MIER1: variants seen among roughly 807,000 people sequenced by gnomAD.
The protein encoded by MIER1 is mesoderm induction early response protein 1.
In MIER1, 40 loss-of-function variants were observed where a neutral mutation model predicts 75.7. The observed-to-expected ratio is 0.53, with a 90% confidence interval of 0.41 to 0.69. The LOEUF (loss-of-function observed/expected upper bound fraction) is 0.69. MIER1 is among the 30% of genes least tolerant of loss of function. The pLI, the probability that MIER1 is intolerant of heterozygous loss-of-function variation, is 0.00. For missense variants in MIER1, 574 were observed against 680.2 expected (o/e 0.84, Z 1.74); for synonymous variants, 213 against 223.4 (o/e 0.95, Z 0.42).
intron 9 of MIER1, 86 bp from the exon 10 acceptor site, chr1:66,971,569 A>G: frequency 1.4e-6 from 1 of 697,556 alleles, no homozygotes; most frequent in Non-Finnish European, 2.5e-6. Context: ...GGATGAAAAC[A>G]CTGGATGTTT....
At chr1:66,959,050 CT>C in intron 6 of MIER1, 67 bp downstream of exon 6, 2 of 1,263,500 alleles carry the variant, frequency 1.6e-6, no homozygotes, top group Non-Finnish European at 1.1e-6. Flanking sequence ...CTAAAATCCT[CT>C]TTTTTAAACT....
intron 4 of MIER1, among the ~76,000 whole-genome samples, chr1:66,950,131 C>T (rs982138680): frequency 1.3e-5 from 2 of 152,120 alleles, no homozygotes; most frequent in African/African-American, 4.8e-5. Flanking sequence ...TTTTTTGAGA[C>T]AGAGTCTCAC....
intron 4 of MIER1, among the ~76,000 whole-genome samples, chr1:66,951,381 G>A (rs1275958488): frequency 6.6e-6 from 1 of 151,886 alleles, no homozygotes; most frequent in Non-Finnish European, 1.5e-5. Context: ...CTCCCACTTC[G>A]GCCTCCCAAA....
Position 66,925,073 on chromosome 1 carries a change from C to T in MIER1, c.45C>T (p.Gly15=), listed in dbSNP as rs895431874. ...SSGGGGSSEG[G]GGSSGSGYGV... ...GCGGTGGCGGCAGCAGCGAAGGTGG[C>T]GGCGGCAGCAGCGGCAGCGGCTGTA... Residue 15 remains glycine (G), a synonymous_variant, in exon 1 of 14, where the codon GGC becomes GGT. Transcript: ENST00000401041. 3 of 1,547,408 alleles carry T rather than the reference C, an allele frequency of 1.9e-6. No individual in the cohort carries two copies. The highest frequency in any genetic ancestry group is 2.0e-5 in the Admixed American group (1 of 49,484).
chr1:66,950,517 A>C (rs1351366996), intron 4 of MIER1, among the ~76,000 whole-genome samples: 1 of 152,182 alleles, frequency 6.6e-6, no homozygotes, highest in African/African-American at 2.4e-5. Context: ...GTGGCAGTCC[A>C]TTTGGGAAAA....
chr1:66,938,708 G>A (rs1346204580), intron 2 of MIER1, among the ~76,000 whole-genome samples: 1 of 152,110 alleles, frequency 6.6e-6, no homozygotes. Context: ...TATTGACTGT[G>A]TTCTGGCAGA....
At chr1:66,969,545 C>CAAAAAAAAAA (rs35924256) in intron 8 of MIER1, among the ~76,000 whole-genome samples, 1 of 63,510 alleles carries the variant, frequency 1.6e-5, no homozygotes, top group Non-Finnish European at 2.8e-5. Flanking sequence ...ACTTCGTCTC[C>CAAAAAAAAAA]AAAAAAAAAA....
At chr1:66,970,302 CCCA>C (rs1663341503) in intron 8 of MIER1, among the ~76,000 whole-genome samples, 1 of 152,146 alleles carries the variant, frequency 6.6e-6, no homozygotes, top group African/African-American at 2.4e-5. Flanking sequence ...TACTTCAAAT[CCCA>C]CCACCAGGAA....
chr1:66,978,387 G>C (rs1665191304), intron 12 of MIER1, among the ~76,000 whole-genome samples: 2 of 152,078 alleles, frequency 1.3e-5, no homozygotes, highest in African/African-American at 4.8e-5. Context: ...ATTCACCCTT[G>C]GAAATCATGG....
At chr1:66,972,779 C>T (rs548096079) in intron 10 of MIER1, 118 bp from the exon 11 acceptor site, 12 of 595,454 alleles carry the variant, frequency 2.0e-5, no homozygotes, top group Non-Finnish European at 3.3e-5. Flanking sequence ...AGTAATAGAG[C>T]TCAGGAGTAA....
intron 2 of MIER1, chr1:66,930,220 TG>T: frequency 7.3e-7 from 1 of 1,376,880 alleles, no homozygotes; most frequent in Non-Finnish European, 9.4e-7. Context: ...GGGGGCGGAG[TG>T]GGGTGTGGTG....
At chr1:66,963,234 G>T (rs1661614651) in intron 8 of MIER1, 74 bp downstream of exon 8, 2 of 981,918 alleles carry the variant, frequency 2.0e-6, no homozygotes, top group Middle Eastern at 2.3e-4. Flanking sequence ...TATGTAAAAT[G>T]TGATAAGAAC....
Position 66,983,088 on chromosome 1 carries a change from A to G in MIER1, c.1369+1170A>G, listed in dbSNP as rs761800751. Among the ~76,000 whole-genome samples the G allele has an allele frequency of 1.2e-3, 190 of 152,364 alleles. 1 individual carries two copies. The highest frequency in any genetic ancestry group is 6.8e-3 in the Middle Eastern group (2 of 294). On this transcript the variant is annotated intron_variant, in intron 13 of 13. Coordinates refer to ENST00000401041, the MANE Select transcript of MIER1 (RefSeq NM_001077700.3). ...ATGCTGTTAGGCTAGGAAAGTGTTC[A>G]TAAGTTACTTATAAATTACTTGTAG...
At chr1:66,982,345 G>A (rs1202982870) in intron 13 of MIER1, among the ~76,000 whole-genome samples, 1 of 152,130 alleles carries the variant, frequency 6.6e-6, no homozygotes, top group Non-Finnish European at 1.5e-5. Context: ...CTCTTTGATA[G>A]CATAATAACC....
Position 66,958,186 on chromosome 1 carries a change from A to G in MIER1, c.467A>G (p.Asn156Ser). The G allele has an allele frequency of 1.9e-6, 3 of 1,605,198 alleles. No homozygotes were observed. Among genetic ancestry groups the G allele is most frequent in the Non-Finnish European group, 2.6e-6 (3 of 1,172,122 alleles). The change falls in exon 5 of 14, where the codon AAT becomes AGT. Residue 156 changes from asparagine (N) to serine (S), a missense_variant. By Grantham distance (46) the Asn-to-Ser change is conservative. Around this residue, in one of 3 missense-constraint regions of MIER1, gnomAD observed 309 missense variants for 352.8 expected, o/e 0.88. Coordinates refer to ENST00000401041, the MANE Select transcript of MIER1 (RefSeq NM_001077700.3). ...GGTGAAGATGATGAAGATGCTGATA[A>G]TGATGACAACAGTGGCTGTAGTGGG... ...EEGEDDEDAD[N>S]DDNSGCSGEN...
At position 66,958,913 on chromosome 1, in the gene MIER1, A is replaced by C; in HGVS notation, c.564A>C (p.Pro188=). The C allele has an allele frequency of 6.2e-7, 1 of 1,612,574 alleles. No individual in the cohort carries two copies. The highest frequency in any genetic ancestry group is 8.5e-7 in the Non-Finnish European group (1 of 1,178,730). ...AAACTCAGTCTTCCAATGATGATCC[A>C]TCACAATCTGTTGCTTCTCAAGATG... is the stretch of plus-strand genomic sequence containing the variant. ...EDETQSSNDD[P]SQSVASQDAQ... is the part of the protein sequence containing the mutation. Residue 188 remains proline, a synonymous_variant, in exon 6 of 14, where the codon CCA becomes CCC. Coordinates refer to ENST00000401041, the MANE Select transcript of MIER1 (RefSeq NM_001077700.3).
chr1:66,930,747 C>A (rs1198472867), intron 2 of MIER1, among the ~76,000 whole-genome samples: 1 of 152,140 alleles, frequency 6.6e-6, no homozygotes, highest in Non-Finnish European at 1.5e-5. Context: ...GCTGCTGCTT[C>A]CTCTTGCGAA....
intron 6 of MIER1, among the ~76,000 whole-genome samples, chr1:66,959,403 G>A (rs1001448214): frequency 9.9e-5 from 15 of 152,048 alleles, no homozygotes; most frequent in Admixed American, 9.8e-4. Context: ...GAAATATGTA[G>A]TAAGATAATA....
In MIER1 at chr1:66,965,020, T is replaced by C. The variant is rs998264055; in HGVS notation, c.772+1860T>C. On this transcript the variant is annotated intron_variant, in intron 8 of 13. Coordinates refer to ENST00000401041, the MANE Select transcript of MIER1 (RefSeq NM_001077700.3). ...TCACAGGCCAGTACGGTTTTTGTGA[T>C]AGCAATATGTTTTAATACATCATTT... Among the ~76,000 whole-genome samples, 5 of 152,206 alleles carry C rather than the reference T, an allele frequency of 3.3e-5. 1 individual carries two copies. The highest frequency in any genetic ancestry group is 6.5e-5 in the Admixed American group (1 of 15,286).
Sources: allele counts gnomAD v4.1 joint callset (sites outside exome capture counted in the v4.1 genomes callset), GRCh38; gene constraint gnomAD v4.1.1; regional missense constraint gnomAD v4.1.1; transcripts MANE v1.5; gene names NCBI Gene and HGNC (gene_info 2026-07-23, HGNC 2026-07-21).